Variants in SCAPER observed in about 807,000 individuals in gnomAD.
The protein encoded by SCAPER is S phase cyclin A-associated protein in the endoplasmic reticulum.
A neutral mutation model predicts 182.2 loss-of-function variants in SCAPER; 98 were observed. The ratio of observed to expected loss-of-function variants is 0.54; its 90% CI spans 0.46 to 0.64. The LOEUF (loss-of-function observed/expected upper bound fraction) is 0.64, where lower values mean the gene tolerates loss of function less well. SCAPER is among the 30% of genes least tolerant of loss of function. The probability of loss-of-function intolerance (pLI) is 0.00; values close to 1 mark genes in which losing one functional copy is unlikely to be tolerated. For synonymous variants in SCAPER, 605 were observed against 564.6 expected (o/e 1.07, Z -1.01); for missense variants, 1,432 against 1,690.0 (o/e 0.85, Z 2.68).
At chr15:76,546,285 T>A (rs1390299553) in intron 23 of SCAPER, among the ~76,000 whole-genome samples, 1 of 152,146 alleles carries the variant, frequency 6.6e-6, no homozygotes, top group Non-Finnish European at 1.5e-5. Flanking sequence ...AAATATTAAT[T>A]ATGAGATATT....
chr15:76,567,372 T>G (rs1259898387), intron 23 of SCAPER: 1 of 454,574 alleles, frequency 2.2e-6, no homozygotes, highest in Non-Finnish European at 4.4e-6. Flanking sequence ...TCTTGCCTGG[T>G]GGATATATGC....
At chr15:76,490,646 G>T (rs2052205174) in intron 24 of SCAPER, among the ~76,000 whole-genome samples, 1 of 151,852 alleles carries the variant, frequency 6.6e-6, no homozygotes, top group Admixed American at 6.6e-5. Flanking sequence ...ATTTTAATGT[G>T]GTCCCATTTG....
chr15:76,764,238 T>C (rs983421644), intron 14 of SCAPER, among the ~76,000 whole-genome samples: 4 of 152,250 alleles, frequency 2.6e-5, no homozygotes, highest in Non-Finnish European at 5.9e-5. Context: ...TATGTATGCA[T>C]TGGCGTGGCA....
intron 23 of SCAPER, among the ~76,000 whole-genome samples, chr15:76,539,883 C>T (rs562586752): frequency 4.6e-5 from 7 of 152,160 alleles, no homozygotes; most frequent in African/African-American, 1.7e-4. Flanking sequence ...GTAAATCTAT[C>T]CTGGAAAATA....
intron 25 of SCAPER, among the ~76,000 whole-genome samples, chr15:76,441,820 C>A (rs446998): frequency 0.29 from 43,376 of 150,484 alleles, 6,341 homozygotes; most frequent in Non-Finnish European, 0.32. Context: ...TACATTATTT[C>A]CTCTCTCTCT....
chr15:76,635,609 G>A (rs1215509106), intron 21 of SCAPER, among the ~76,000 whole-genome samples: 1 of 152,182 alleles, frequency 6.6e-6, no homozygotes, highest in Admixed American at 6.5e-5. Context: ...GCGAGAAGTG[G>A]CAAGAGTGGA....
intron 24 of SCAPER, among the ~76,000 whole-genome samples, chr15:76,479,597 A>C (rs139787507): frequency 6.6e-4 from 100 of 152,338 alleles, no homozygotes; most frequent in African/African-American, 2.2e-3. Context: ...TTTGACAATA[A>C]GTGCAGGACA....
At chr15:76,458,968 C>T (rs947923611) in intron 25 of SCAPER, among the ~76,000 whole-genome samples, 5 of 152,150 alleles carry the variant, frequency 3.3e-5, no homozygotes, top group Non-Finnish European at 7.3e-5. Context: ...AATCAAGGCT[C>T]ACTGCAGCCT....
chr15:76,821,456 A>G (rs1341416575), intron 5 of SCAPER, among the ~76,000 whole-genome samples: 1 of 151,930 alleles, frequency 6.6e-6, no homozygotes, highest in East Asian at 1.9e-4. Context: ...CCATCTCTAC[A>G]AAAAAAATAC....
chr15:76,502,586 G>C (rs548088175), intron 24 of SCAPER, among the ~76,000 whole-genome samples: 25 of 152,216 alleles, frequency 1.6e-4, no homozygotes, highest in Admixed American at 5.9e-4. Context: ...GTGGGAGGAG[G>C]GGGGAGGGAT....
At chr15:76,487,904 C>G (rs1371123514) in intron 24 of SCAPER, among the ~76,000 whole-genome samples, 1 of 152,080 alleles carries the variant, frequency 6.6e-6, no homozygotes. Flanking sequence ...GAATCAGCCA[C>G]TGATTTAATT....
chr15:76,702,954 C>A lies in SCAPER; in HGVS notation c.2296G>T (p.Glu766Ter). The A allele has an allele frequency of 6.2e-7, 1 of 1,609,144 alleles. No individual in the cohort carries two copies. Among genetic ancestry groups the A allele is most frequent in the Non-Finnish European group, 8.5e-7 (1 of 1,178,270 alleles). ...RHMEQIEQRK[E>*]KAAELSSGRH... ...CCACTGCTTAGCTCAGCAGCTTTTT[C>A]TTTTCTTTGTTCAATCTGTTCCATG... Residue 766 changes from glutamate (E) to a stop codon, truncating the protein, a stop_gained, in exon 19 of 32, where the codon GAA becomes TAA. Coordinates refer to ENST00000563290, the MANE Select transcript of SCAPER (RefSeq NM_020843.4). LOFTEE classifies it high-confidence loss of function.
intron 17 of SCAPER, among the ~76,000 whole-genome samples, chr15:76,708,057 T>A (rs1363050784): frequency 6.6e-6 from 1 of 152,016 alleles, no homozygotes; most frequent in African/African-American, 2.4e-5. Context: ...GGGGATTGGT[T>A]CTAGGACACC....
At chr15:76,858,077 C>T (rs986565981) in intron 3 of SCAPER, among the ~76,000 whole-genome samples, 198 bp from the exon 4 acceptor site, 1 of 152,148 alleles carries the variant, frequency 6.6e-6, no homozygotes, top group African/African-American at 2.4e-5. Flanking sequence ...AAAACAACAA[C>T]AACAACAAAT....
At chr15:76,683,063 T>A (rs2057823842) in intron 20 of SCAPER, among the ~76,000 whole-genome samples, 1 of 152,168 alleles carries the variant, frequency 6.6e-6, no homozygotes, top group Admixed American at 6.5e-5. Context: ...CTGAAATGGC[T>A]GAAATGACAG....
At chr15:76,355,182 C>G (rs1022571770) in intron 29 of SCAPER, among the ~76,000 whole-genome samples, 2 of 152,186 alleles carry the variant, frequency 1.3e-5, no homozygotes, top group African/African-American at 4.8e-5. Flanking sequence ...TTTAACAATA[C>G]TTTAAGAACA....
At chr15:76,698,816 T>G (rs1033998574) in intron 20 of SCAPER, among the ~76,000 whole-genome samples, 1 of 152,246 alleles carries the variant, frequency 6.6e-6, no homozygotes, top group Non-Finnish European at 1.5e-5. Flanking sequence ...ATTGGTAGTT[T>G]GATAGGAATA....
chr15:76,569,601 T>G (rs370189932), intron 23 of SCAPER, among the ~76,000 whole-genome samples: 2 of 152,268 alleles, frequency 1.3e-5, no homozygotes, highest in African/African-American at 4.8e-5. Flanking sequence ...TTGTAAGTTT[T>G]GGAAAGTTCT....
At chr15:76,831,304 C>A (rs1409087098) in intron 5 of SCAPER, among the ~76,000 whole-genome samples, 1 of 152,080 alleles carries the variant, frequency 6.6e-6, no homozygotes. Context: ...AGGGTCCCTC[C>A]CTGGCCACAC....
Sources: allele counts gnomAD v4.1 joint callset (sites outside exome capture counted in the v4.1 genomes callset), GRCh38; gene constraint gnomAD v4.1.1; transcripts MANE v1.5; gene names NCBI Gene and HGNC (gene_info 2026-07-23, HGNC 2026-07-21).